DISC1: variants seen among roughly 807,000 people sequenced by gnomAD.
DISC1 encodes DISC1 scaffold protein, also known as disrupted in schizophrenia 1 protein.
In DISC1, 57 loss-of-function variants were observed where a neutral mutation model predicts 84.5. The observed-to-expected ratio is 0.67, with a 90% CI of 0.55 to 0.84. The LOEUF is 0.84. Among genes scored for constraint, DISC1 ranks in the 40% least tolerant of loss-of-function variants. The pLI is 0.00. For missense variants in DISC1, 1,000 were observed against 1,057.8 expected (o/e 0.95, Z 0.76); for synonymous variants, 411 against 415.2 (o/e 0.99, Z 0.12).
At chr1:231,765,911 T>G (rs1350657280) in intron 4 of DISC1, among the ~76,000 whole-genome samples, 1 of 152,152 alleles carries the variant, frequency 6.6e-6, no homozygotes, top group Non-Finnish European at 1.5e-5. Context: ...AATTTGGCCC[T>G]GTTTGGATAG....
chr1:231,963,708 C>T (rs369465011), intron 10 of DISC1, among the ~76,000 whole-genome samples: 4 of 152,184 alleles, frequency 2.6e-5, no homozygotes, highest in African/African-American at 4.8e-5. Context: ...ACTCCTCAGA[C>T]GCTGAGTTAA....
chr1:232,002,149 G>A (rs1202944201), intron 10 of DISC1, among the ~76,000 whole-genome samples: 2 of 151,996 alleles, frequency 1.3e-5, no homozygotes, highest in Non-Finnish European at 2.9e-5. Context: ...AGAAATGAGG[G>A]TAATGGAAAT....
At chr1:231,651,835 C>G (rs142445021) in intron 1 of DISC1, among the ~76,000 whole-genome samples, 13 of 152,210 alleles carry the variant, frequency 8.5e-5, no homozygotes, top group Non-Finnish European at 1.8e-4. Flanking sequence ...CCTCGCAGGT[C>G]GATCTCAGAC....
rs1366765478 is a variant in DISC1 at position 232,037,257 on chromosome 1, ACT to A, written c.*429_*430del. The A allele has an allele frequency of 1.3e-5, 2 of 152,606 alleles. No individual in the cohort carries two copies. Among genetic ancestry groups the A allele is most frequent in the South Asian group, 2.1e-4 (1 of 4,834 alleles). The allele number at this position is 152,606 out of a possible 1,614,324, so 9.5% of individuals were successfully genotyped here. ...CTATAAAAAGGAAACCAAGCATAAG[ACT>A]CTGTCATCATACCTGTTACACGTTC... On this transcript the variant is annotated 3_prime_UTR_variant, in exon 13 of 13. Coordinates refer to ENST00000439617, the MANE Select transcript of DISC1 (RefSeq NM_018662.3).
At position 231,871,531 on chromosome 1, in the gene DISC1, C is replaced by T. The variant is rs75714513; in HGVS notation, c.1981+53014C>T. 1.1e-4 allele frequency among the ~76,000 whole-genome samples: 17 copies of T among 152,306 alleles called. No homozygotes were observed. In the East Asian group the frequency reaches 3.3e-3, roughly 29 times the overall value. On this transcript the variant is annotated intron_variant, in intron 9 of 12. Transcript: ENST00000439617. ...ATGTGGAAGTGCAGTTGAATTCAAA[C>T]GATCTGTAGCTGGTGGCTTTTATTC...
intron 10 of DISC1, among the ~76,000 whole-genome samples, chr1:231,974,369 G>A (rs1167278950): frequency 2.0e-5 from 3 of 151,980 alleles, no homozygotes; most frequent in Admixed American, 6.6e-5. Flanking sequence ...TTCCTTAATC[G>A]GACCATTTTA....
chr1:231,860,458 T>C (rs1410148469), intron 9 of DISC1, among the ~76,000 whole-genome samples: 2 of 152,084 alleles, frequency 1.3e-5, no homozygotes, highest in East Asian at 1.9e-4. Flanking sequence ...GCTCAGAAAA[T>C]AGTGAATTTT....
intron 3 of DISC1, among the ~76,000 whole-genome samples, chr1:231,744,625 A>G (rs1412730721): frequency 1.3e-5 from 2 of 152,160 alleles, no homozygotes. Flanking sequence ...GACAACCAAA[A>G]CTTGCCACAT....
intron 8 of DISC1, among the ~76,000 whole-genome samples, chr1:231,817,707 TTGA>T (rs1224836679): frequency 6.6e-6 from 1 of 152,240 alleles, no homozygotes; most frequent in Non-Finnish European, 1.5e-5. Flanking sequence ...AGACATAAGA[TTGA>T]TGTTTGTACA....
At position 231,976,723 on chromosome 1, in the gene DISC1, A is replaced by G. The variant is rs546604276; in HGVS notation, c.2042+17835A>G. Among the ~76,000 whole-genome samples, 5 of 152,310 alleles carry G rather than the reference A, an allele frequency of 3.3e-5. No individual in the cohort carries two copies. In the South Asian group the frequency reaches 1.0e-3, roughly 32 times the overall value. ...GGAAACCATCAAAACAATCAAACAG[A>G]AACAAGAGCTTTTAAAAATGGAATA... On this transcript the variant is annotated intron_variant, in intron 10 of 12. Coordinates refer to ENST00000439617, the MANE Select transcript of DISC1 (RefSeq NM_018662.3).
At position 232,037,010 on chromosome 1, in the gene DISC1, A is replaced by T. The variant is rs1415635082; in HGVS notation, c.*179A>T. ...TCAGTGTGAAACTGAGGAGTCTGCA[A>T]TTTGGAATATGGAGAGAGAGACTGA... On this transcript the variant is annotated 3_prime_UTR_variant, in exon 13 of 13. Transcript: ENST00000439617. 1.4e-5 allele frequency: 8 copies of T among 552,036 alleles called. No individual in the cohort carries two copies. The highest frequency in any genetic ancestry group is 2.0e-5 in the Non-Finnish European group (7 of 354,282). 34.2% of individuals were successfully genotyped at this position (552,036 alleles called of 1,614,324 possible). A position where few individuals can be genotyped will look rare whatever the true frequency, so the allele number is the denominator to read the frequency against.
chr1:231,723,249 A>C (rs2070119024), intron 3 of DISC1: 1 of 799,838 alleles, frequency 1.3e-6, no homozygotes, highest in Non-Finnish European at 1.4e-6. Context: ...TATTTATTGA[A>C]AAAAAAGTCT....
chr1:231,995,549 T>C (rs966125286), intron 10 of DISC1, among the ~76,000 whole-genome samples: 1 of 152,042 alleles, frequency 6.6e-6, no homozygotes, highest in Non-Finnish European at 1.5e-5. Flanking sequence ...GTCCATGTGT[T>C]CTCATTGTTC....
At chr1:231,955,087 T>C (rs74709505) in intron 9 of DISC1, among the ~76,000 whole-genome samples, 2,190 of 152,308 alleles carry the variant, frequency 0.014, 36 homozygotes, top group East Asian at 0.077. Flanking sequence ...CTAGATTCTT[T>C]TTAAACATAA....
intron 9 of DISC1, among the ~76,000 whole-genome samples, chr1:231,939,932 G>C (rs2091212513): frequency 6.6e-6 from 1 of 151,788 alleles, no homozygotes; most frequent in Non-Finnish European, 1.5e-5. Flanking sequence ...TAGTAGAGAT[G>C]GGGTTTCACC....
intron 9 of DISC1, among the ~76,000 whole-genome samples, chr1:231,905,072 A>G (rs1324715398): frequency 6.6e-6 from 1 of 152,214 alleles, no homozygotes; most frequent in Non-Finnish European, 1.5e-5. Flanking sequence ...TGAAAAGAAT[A>G]ACTTTACAGT....
At chr1:232,003,826 C>T (rs1282652969) in intron 10 of DISC1, among the ~76,000 whole-genome samples, 1 of 151,838 alleles carries the variant, frequency 6.6e-6, no homozygotes, top group Non-Finnish European at 1.5e-5. Flanking sequence ...CTATACAGCC[C>T]TTGAATTAAC....
chr1:231,971,611 G>A (rs1661966388), intron 10 of DISC1, among the ~76,000 whole-genome samples: 1 of 152,202 alleles, frequency 6.6e-6, no homozygotes. Flanking sequence ...TTACAAGGGA[G>A]CGAGCTGCAG....
intron 8 of DISC1, among the ~76,000 whole-genome samples, chr1:231,808,674 C>G (rs903766888): frequency 3.9e-5 from 6 of 152,332 alleles, no homozygotes; most frequent in African/African-American, 1.4e-4. Context: ...GTTGTCTGAC[C>G]TGTGACCAGG....
Sources: allele counts gnomAD v4.1 joint callset (sites outside exome capture counted in the v4.1 genomes callset), GRCh38; gene constraint gnomAD v4.1.1; transcripts MANE v1.5; gene names NCBI Gene and HGNC (gene_info 2026-07-23, HGNC 2026-07-21).